Variants in ZNF264 observed in about 807,000 individuals in gnomAD.
ZNF264 encodes zinc finger protein 264.
Under a neutral mutation model 11.2 loss-of-function variants are expected in ZNF264, and 11 were observed. That is an observed-to-expected ratio of 0.98 (90% CI 0.62 to 1.63). The LOEUF (loss-of-function observed/expected upper bound fraction) is 1.63. Among genes scored for constraint, ZNF264 ranks in the 40% most tolerant of loss-of-function variants. ZNF264 has a pLI of 0.00. For synonymous variants in ZNF264, 309 were observed against 279.8 expected, an observed-to-expected ratio of 1.10 and a Z score of -1.04; for missense variants, 752 against 768.1, an observed-to-expected ratio of 0.98 and a Z score of 0.25.
intron 2 of ZNF264, among the ~76,000 whole-genome samples, chr19:57,196,943 C>T (rs1334638542): frequency 6.6e-6 from 1 of 151,966 alleles, no homozygotes; most frequent in African/African-American, 2.4e-5. Context: ...GTGCACTGCT[C>T]CAAGTTCTGC....
rs368184495 is a variant in ZNF264, at chr19:57,198,273, G to A, written c.160+4272G>A. ...CTGGTTAAGCTTTCTATAATTCACA[G>A]TCATTCTCTAAGATCCGTCTGTCTT... On this transcript the variant is annotated intron_variant, in intron 2 of 3. Transcript: ENST00000263095. Among the ~76,000 whole-genome samples the A allele has an allele frequency of 9.9e-5, 15 of 152,132 alleles. No homozygotes were observed. In the East Asian group the frequency reaches 1.7e-3, roughly 18 times the overall value.
chr19:57,208,746 T>G lies in ZNF264; in HGVS notation c.257-2608T>G, dbSNP rs180962253. On this transcript the variant is annotated intron_variant, in intron 3 of 3. Transcript: ENST00000263095. ...TTTGTAGGCTATGCAAATGCTCAAG[T>G]TTGCAAGATCATTCCCTTTGTTTTC... Among the ~76,000 whole-genome samples the G allele has an allele frequency of 1.1e-3, 162 of 152,322 alleles. 1 individual carries two copies. The highest frequency in any genetic ancestry group is 1.5e-3 in the Admixed American group (23 of 15,296).
At chr19:57,210,117 C>T (rs905585225) in intron 3 of ZNF264, among the ~76,000 whole-genome samples, 1 of 152,174 alleles carries the variant, frequency 6.6e-6, no homozygotes, top group Non-Finnish European at 1.5e-5. Flanking sequence ...CCTGGATTGT[C>T]ATCAACACCA....
chr19:57,214,624 A>T lies in ZNF264; in HGVS notation c.*1643A>T, dbSNP rs545788182. 5.9e-5 allele frequency: 9 copies of T among 152,334 alleles called. No homozygotes were observed. Among genetic ancestry groups the T allele is most frequent in the Non-Finnish European group, 1.3e-4 (9 of 68,114 alleles). The allele number at this position is 152,334 out of a possible 1,614,324, so 9.4% of individuals were successfully genotyped here. ...TGCCTGGGTCTCCCAAAGTGCTGGG[A>T]TTACAGGCGTGAGCCACAGTGCACA... On this transcript the variant is annotated 3_prime_UTR_variant, in exon 4 of 4. Transcript: ENST00000263095.
intron 2 of ZNF264, among the ~76,000 whole-genome samples, chr19:57,199,463 C>T (rs1599947137): frequency 6.6e-6 from 1 of 151,874 alleles, no homozygotes; most frequent in Admixed American, 6.6e-5. Flanking sequence ...ATTCCCAGCT[C>T]ACCCATGATG....
chr19:57,199,354 C>T (rs1229390696), intron 2 of ZNF264, among the ~76,000 whole-genome samples: 2 of 151,906 alleles, frequency 1.3e-5, no homozygotes, highest in Admixed American at 6.6e-5. Context: ...ACCCTCCCAG[C>T]TGGGATGAGT....
intron 2 of ZNF264, among the ~76,000 whole-genome samples, chr19:57,197,979 T>C (rs888455149): frequency 2.0e-5 from 3 of 151,990 alleles, no homozygotes; most frequent in Non-Finnish European, 2.9e-5. Context: ...CAATGTGATA[T>C]CTTGTGGAAG....
chr19:57,199,447 T>A (rs1418090322), intron 2 of ZNF264, among the ~76,000 whole-genome samples: 3 of 151,798 alleles, frequency 2.0e-5, no homozygotes, highest in Admixed American at 2.0e-4. Context: ...CCAAGGGAGA[T>A]CAAGCATTCC....
chr19:57,211,356 G>A lies in ZNF264; in HGVS notation c.259G>A (p.Asp87Asn), dbSNP rs147396716. 2.1e-4 allele frequency: 338 copies of A among 1,589,578 alleles called. 1 individual carries two copies. In the African/African-American group the frequency reaches 4.0e-3, roughly 19 times the overall value. Residue 87 changes from aspartate (D) to asparagine (N), a missense_variant and splice_region_variant, in exon 4 of 4, where the codon GAC (aspartate) becomes AAC (asparagine). Physicochemically the swap from Asp to Asn is conservative, Grantham distance 23. Transcript: ENST00000263095. ...TTTGTGTGCTGGATTTCTTTCAGGC[G>A]ACAAAGGAAAACCTAAGACCACAGA... ...EDLSQDTCPG[D>N]KGKPKTTEPT...
At chr19:57,192,810 C>T (rs2087184485) in intron 1 of ZNF264, among the ~76,000 whole-genome samples, 1 of 152,174 alleles carries the variant, frequency 6.6e-6, no homozygotes, top group Non-Finnish European at 1.5e-5. Flanking sequence ...CAGCTCACTG[C>T]AGTCTCTGCC....
In ZNF264 at chr19:57,212,786, G is replaced by A. The variant is rs1568477498; in HGVS notation, c.1689G>A (p.Gly563=). 1 of 1,614,072 alleles carries A rather than the reference G, an allele frequency of 6.2e-7. No individual in the cohort carries two copies. Among genetic ancestry groups the A allele is most frequent in the East Asian group, 2.2e-5 (1 of 44,876 alleles). Residue 563 remains glycine, a synonymous_variant, in exon 4 of 4, where the codon GGG becomes GGA. Transcript: ENST00000263095. ...CTCAGCATCAAAGGATGCATACTGG[G>A]AAAAATCCCATCAGTGTAACAGATG... The part of the protein sequence containing the change: ...SLTQHQRMHT[G]KNPISVTDVG...
chr19:57,214,210 C>T lies in ZNF264; in HGVS notation c.*1229C>T, dbSNP rs2087363006. On this transcript the variant is annotated 3_prime_UTR_variant, in exon 4 of 4. Coordinates refer to ENST00000263095, the MANE Select transcript of ZNF264 (RefSeq NM_003417.5). Reference sequence around the variant, plus strand: ...TATCTTTCATCTTACCTGTAATATACCTTTTATTTCCTTTTTGTTTGTCTT... The same window carrying T: ...TATCTTTCATCTTACCTGTAATATATCTTTTATTTCCTTTTTGTTTGTCTT... 6.6e-6 allele frequency: 1 copy of T among 152,082 alleles called. No homozygotes were observed. Among genetic ancestry groups the T allele is most frequent in the African/African-American group, 2.4e-5 (1 of 41,398 alleles). 9.4% of individuals were successfully genotyped at this position (152,082 alleles called of 1,614,324 possible). A position where few individuals can be genotyped will look rare whatever the true frequency, so the allele number is the denominator to read the frequency against.
At chr19:57,192,568 T>A (rs1465119706) in intron 1 of ZNF264, 1 of 985,176 alleles carries the variant, frequency 1.0e-6, no homozygotes, top group African/African-American at 1.7e-5. Context: ...AGGCCGATGG[T>A]TGGTTCATTG....
At chr19:57,195,106 T>G (rs374470573) in intron 2 of ZNF264, 2 of 328,460 alleles carry the variant, frequency 6.1e-6, no homozygotes, top group East Asian at 9.1e-5. Flanking sequence ...CCTTGTCAAC[T>G]TGAACCCATA....
At position 57,200,716 on chromosome 19, in the gene ZNF264, A is replaced by G. The variant is rs532822465; in HGVS notation, c.161-4681A>G. 4.0e-5 allele frequency among the ~76,000 whole-genome samples: 6 copies of G among 151,884 alleles called. No individual in the cohort carries two copies. The South Asian group carries it at 6.2e-4, about 16-fold the overall frequency. ...TGCCTTTGCCTCCTAGGTTCAAGCA[A>G]TTCTCATGCCTCAGCCACTTAAGTA... On this transcript the variant is annotated intron_variant, in intron 2 of 3. Coordinates refer to ENST00000263095, the MANE Select transcript of ZNF264 (RefSeq NM_003417.5).
rs2087416723 is a variant in ZNF264 at position 57,221,455 on chromosome 19, T to G, written c.*8474T>G. The G allele has an allele frequency of 6.6e-6, 1 of 152,174 alleles. No homozygotes were observed. Among genetic ancestry groups the G allele is most frequent in the Admixed American group, 6.5e-5 (1 of 15,278 alleles). The allele number at this position is 152,174 out of a possible 1,614,324, so 9.4% of individuals were successfully genotyped here. On this transcript the variant is annotated 3_prime_UTR_variant, in exon 4 of 4. Coordinates refer to ENST00000263095, the MANE Select transcript of ZNF264 (RefSeq NM_003417.5). Reference sequence around the variant, plus strand: ...AGGTTTGACGATTTGCTGAGAAGACTCAGGTCTCAGCATTCTGTCATACTC... The same window carrying G: ...AGGTTTGACGATTTGCTGAGAAGACGCAGGTCTCAGCATTCTGTCATACTC...
In ZNF264 at chr19:57,219,861, A is replaced by G. The variant is rs927879597; in HGVS notation, c.*6880A>G. 1.3e-5 allele frequency: 2 copies of G among 152,240 alleles called. No individual in the cohort carries two copies. Among genetic ancestry groups the G allele is most frequent in the Admixed American group, 6.5e-5 (1 of 15,284 alleles). 9.4% of individuals were successfully genotyped at this position (152,240 alleles called of 1,614,324 possible). On this transcript the variant is annotated 3_prime_UTR_variant, in exon 4 of 4. Coordinates refer to ENST00000263095, the MANE Select transcript of ZNF264 (RefSeq NM_003417.5). Reference sequence around the variant, plus strand: ...CTTCTGCACTTTCTCTGCATTTGTAAACACTGAGCCTGTATGCGTGTCTAT... The same window carrying G: ...CTTCTGCACTTTCTCTGCATTTGTAGACACTGAGCCTGTATGCGTGTCTAT...
intron 2 of ZNF264, among the ~76,000 whole-genome samples, chr19:57,203,699 T>C (rs1264393767): frequency 1.3e-5 from 2 of 152,174 alleles, no homozygotes; most frequent in African/African-American, 4.8e-5. Context: ...GTTCATGAAA[T>C]GCAGAGGTCT....
At chr19:57,198,281 C>T (rs2087226861) in intron 2 of ZNF264, among the ~76,000 whole-genome samples, 1 of 151,998 alleles carries the variant, frequency 6.6e-6, no homozygotes, top group African/African-American at 2.4e-5. Flanking sequence ...CAGTCATTCT[C>T]TAAGATCCGT....
Sources: allele counts gnomAD v4.1 joint callset (sites outside exome capture counted in the v4.1 genomes callset), GRCh38; gene constraint gnomAD v4.1.1; transcripts MANE v1.5; gene names NCBI Gene and HGNC (gene_info 2026-07-23, HGNC 2026-07-21).